PCDHGB2: variants seen among roughly 807,000 people sequenced by gnomAD.
The protein encoded by PCDHGB2 is protocadherin gamma-B2.
Under a neutral mutation model 59.3 loss-of-function variants are expected in PCDHGB2, and 55 were observed. The ratio of observed to expected loss-of-function variants is 0.93; its 90% CI spans 0.75 to 1.16. The LOEUF (loss-of-function observed/expected upper bound fraction) is 1.16. Among genes scored for constraint, PCDHGB2 ranks in the 50% most tolerant of loss-of-function variants. The pLI is 0.00. For synonymous variants in PCDHGB2, 516 were observed against 512.0 expected (o/e 1.01, Z -0.11); for missense variants, 1,228 against 1,198.5 (o/e 1.02, Z -0.36).
rs2095763034 is a variant in PCDHGB2, at chr5:141,414,586, A to G, written c.2421+52030A>G. 1.2e-6 allele frequency: 2 copies of G among 1,613,964 alleles called. No individual in the cohort carries two copies. The highest frequency in any genetic ancestry group is 8.5e-7 in the Non-Finnish European group (1 of 1,179,880). On this transcript the variant is annotated intron_variant, in intron 1 of 3. Transcript: ENST00000522605. ...TACCTATATCCCAGAGAACAACGCC[A>G]GGGGTGCCTCCATCTTCTCAGTGAC...
At chr5:141,409,755 G>C (rs2095312141) in intron 1 of PCDHGB2, 1 of 1,613,024 alleles carries the variant, frequency 6.2e-7, no homozygotes, top group Non-Finnish European at 8.5e-7. Flanking sequence ...TTCGCGCAGC[G>C]CGCCTTTGAT....
intron 1 of PCDHGB2, chr5:141,384,297 C>A (rs753406812): frequency 1.2e-6 from 2 of 1,613,848 alleles, no homozygotes; most frequent in South Asian, 2.2e-5. Context: ...AGAACAACCC[C>A]AGAGGGGCCT....
chr5:141,492,206 G>A (rs1180294159), intron 1 of PCDHGB2, among the ~76,000 whole-genome samples: 2 of 152,204 alleles, frequency 1.3e-5, no homozygotes, highest in Non-Finnish European at 2.9e-5. Context: ...TTAGGTGTGC[G>A]CGCGGGGCTC....
intron 1 of PCDHGB2, among the ~76,000 whole-genome samples, chr5:141,425,058 G>A (rs938128250): frequency 1.3e-5 from 2 of 151,986 alleles, no homozygotes; most frequent in African/African-American, 2.4e-5. Context: ...TCTAGGGCTC[G>A]GACAAAAATA....
intron 1 of PCDHGB2, chr5:141,374,475 C>A: frequency 6.2e-7 from 1 of 1,612,136 alleles, no homozygotes; most frequent in Non-Finnish European, 8.5e-7. Flanking sequence ...GACAATACAC[C>A]CCGATTCTTA....
chr5:141,372,196 A>G lies in PCDHGB2; in HGVS notation c.2421+9640A>G, dbSNP rs1362728407. ...GCGGTGGACGCAGACTCGGGATACA[A>G]CGCCTGGCTGTCCTACCACATTGTG... On this transcript the variant is annotated intron_variant, in intron 1 of 3. Coordinates refer to ENST00000522605, the MANE Select transcript of PCDHGB2 (RefSeq NM_018923.3). 8 of 1,613,504 alleles carry G rather than the reference A, an allele frequency of 5.0e-6. No individual in the cohort carries two copies. The East Asian group carries it at 1.3e-4, about 27-fold the overall frequency.
At chr5:141,445,420 T>C (rs968387442) in intron 1 of PCDHGB2, among the ~76,000 whole-genome samples, 3 of 152,204 alleles carry the variant, frequency 2.0e-5, no homozygotes, top group Admixed American at 6.5e-5. Context: ...GTCTGCTATA[T>C]GCAAGGCACT....
chr5:141,367,536 C>CT (rs1376897976), intron 1 of PCDHGB2: 1 of 106,510 alleles, frequency 9.4e-6, no homozygotes, highest in African/African-American at 4.5e-5. Context: ...GACTCCGTCT[C>CT]AAAATAAATA....
chr5:141,403,952 C>T, intron 1 of PCDHGB2: 1 of 1,613,684 alleles, frequency 6.2e-7, no homozygotes, highest in Non-Finnish European at 8.5e-7. Flanking sequence ...GACAAAAGTG[C>T]TCATTTCGGT....
intron 1 of PCDHGB2, chr5:141,370,166 G>T: frequency 2.2e-6 from 1 of 458,978 alleles, no homozygotes; most frequent in East Asian, 3.2e-5. Flanking sequence ...CTGCAGCAGA[G>T]GCGCCGGGTG....
rs905837179 is a variant in PCDHGB2 at position 141,478,541 on chromosome 5, G to A, written c.2422-16266G>A. ...GTTGGGTGCAGAGAGCGCCCCTCCCGGACAGGTAAGGTTTAGCAAGTCATG... is the reference window on the plus strand; with the variant it reads ...GTTGGGTGCAGAGAGCGCCCCTCCCAGACAGGTAAGGTTTAGCAAGTCATG... On this transcript the variant is annotated intron_variant, in intron 1 of 3. Coordinates refer to ENST00000522605, the MANE Select transcript of PCDHGB2 (RefSeq NM_018923.3). 4 of 1,605,470 alleles carry A rather than the reference G, an allele frequency of 2.5e-6. No homozygotes were observed. The Admixed American group carries it at 5.2e-5, about 21-fold the overall frequency.
chr5:141,370,632 G>A (rs1393089776), intron 1 of PCDHGB2: 15 of 1,613,802 alleles, frequency 9.3e-6, no homozygotes, highest in Non-Finnish European at 1.3e-5. Context: ...CGTGAGCCCC[G>A]AAAATGGGAA....
intron 1 of PCDHGB2, among the ~76,000 whole-genome samples, chr5:141,454,881 C>G (rs2098805859): frequency 7.4e-6 from 1 of 135,536 alleles, no homozygotes; most frequent in African/African-American, 2.8e-5. Flanking sequence ...GATCTTGGCT[C>G]ACTGCTAGCA....
intron 1 of PCDHGB2, chr5:141,389,691 T>G: frequency 6.2e-7 from 1 of 1,612,564 alleles, no homozygotes; most frequent in Non-Finnish European, 8.5e-7. Context: ...CGCCTGGCTG[T>G]CCTACCACGT....
chr5:141,478,783 T>G (rs1435790850), intron 1 of PCDHGB2: 2 of 1,483,968 alleles, frequency 1.3e-6, no homozygotes, highest in Admixed American at 4.6e-5. Flanking sequence ...TGGACCTAAT[T>G]CACATCCTCA....
rs1554087243 is a variant in PCDHGB2, at chr5:141,382,895, C to T, written c.2421+20339C>T. The T allele has an allele frequency of 2.6e-6, 4 of 1,536,202 alleles. No homozygotes were observed. The East Asian group carries it at 6.8e-5, about 26-fold the overall frequency. ...CGGCGCCTAAGCAAGAGAAGCAGGA[C>T]GACTATGGCGGCTCAGCCGAGGGGC... On this transcript the variant is annotated intron_variant, in intron 1 of 3. Transcript: ENST00000522605.
chr5:141,417,940 C>A, intron 1 of PCDHGB2: 2 of 1,613,054 alleles, frequency 1.2e-6, no homozygotes, highest in Non-Finnish European at 1.7e-6. Flanking sequence ...TGTTCTACCC[C>A]ACGCTGTGTG....
intron 1 of PCDHGB2, chr5:141,408,193 C>T (rs1280310689): frequency 6.5e-7 from 1 of 1,545,210 alleles, no homozygotes; most frequent in Non-Finnish European, 8.7e-7. Flanking sequence ...AGCGAGAACC[C>T]GAGCGAACGA....
chr5:141,365,082 T>A lies in PCDHGB2; in HGVS notation c.2421+2526T>A, dbSNP rs769625651. 5 of 1,613,852 alleles carry A rather than the reference T, an allele frequency of 3.1e-6. No homozygotes were observed. In the South Asian group the frequency reaches 5.5e-5, roughly 18 times the overall value. On this transcript the variant is annotated intron_variant, in intron 1 of 3. Coordinates refer to ENST00000522605, the MANE Select transcript of PCDHGB2 (RefSeq NM_018923.3). ...ACCCCATCCGAGTACAGCGTGAGTG[T>A]TCCAGAGAACATACCTGTGGGCACT... is the stretch of plus-strand genomic sequence containing the variant.
Sources: allele counts gnomAD v4.1 joint callset (sites outside exome capture counted in the v4.1 genomes callset), GRCh38; gene constraint gnomAD v4.1.1; transcripts MANE v1.5; gene names NCBI Gene and HGNC (gene_info 2026-07-23, HGNC 2026-07-21).